STK32B: variants seen among roughly 807,000 people sequenced by gnomAD.
STK32B encodes the protein serine/threonine kinase 32B.
STK32B carries 43 observed loss-of-function variants against 52.6 expected under a neutral mutation model. The ratio of observed to expected loss-of-function variants is 0.82; its 90% CI spans 0.64 to 1.05. The LOEUF (loss-of-function observed/expected upper bound fraction) is 1.05. STK32B is among the 50% of genes least tolerant of loss of function. The probability of loss-of-function intolerance (pLI) is 0.00; values close to 1 mark genes in which losing one functional copy is unlikely to be tolerated. For synonymous variants in STK32B, 238 were observed against 204.3 expected (o/e 1.17, Z -1.41); for missense variants, 621 against 534.6 (o/e 1.16, Z -1.59).
chr4:5,370,263 C>T (rs536597777), intron 4 of STK32B, among the ~76,000 whole-genome samples: 1 of 152,192 alleles, frequency 6.6e-6, no homozygotes, highest in Non-Finnish European at 1.5e-5. Flanking sequence ...TCCTTGCAGA[C>T]ATCTTGTTCG....
chr4:5,082,667 T>A (rs2108776694), intron 1 of STK32B, among the ~76,000 whole-genome samples: 1 of 152,312 alleles, frequency 6.6e-6, no homozygotes, highest in Non-Finnish European at 1.5e-5. Flanking sequence ...AGGTTCTTTG[T>A]GGTTTTTTGT....
At position 5,190,041 on chromosome 4, in the gene STK32B, A is replaced by G. The variant is rs140849913; in HGVS notation, c.260+21591A>G. On this transcript the variant is annotated intron_variant, in intron 3 of 11. Transcript: ENST00000282908. ...AAATCATATGTGGAGAGCGTACATG[A>G]TCAGCTCACTTGGTTACTCACTCAC... 4.8e-4 allele frequency among the ~76,000 whole-genome samples: 73 copies of G among 152,278 alleles called. No individual in the cohort carries two copies. In the East Asian group the frequency reaches 0.012, roughly 24 times the overall value.
At chr4:5,359,036 A>C (rs939838674) in intron 4 of STK32B, among the ~76,000 whole-genome samples, 2 of 152,204 alleles carry the variant, frequency 1.3e-5, no homozygotes, top group African/African-American at 4.8e-5. Flanking sequence ...ATTGATCAGC[A>C]AATGTTCTAC....
chr4:5,129,909 T>C (rs80239540), intron 1 of STK32B, among the ~76,000 whole-genome samples: 17,338 of 152,114 alleles, frequency 0.11, 1,260 homozygotes, highest in Admixed American at 0.24. Flanking sequence ...ATTTATTGAG[T>C]GCCTATTATA....
rs1732127050 is a variant in STK32B, at chr4:5,329,995, G to GTAT, written c.261-1225_261-1224insTAT. On this transcript the variant is annotated intron_variant, in intron 3 of 11. Transcript: ENST00000282908. ...CCCAGGGCTGCACACCCAGGATACTGGAACATAGTGTGGGTGCATTACAGC... is the reference window on the plus strand; with the variant it reads ...CCCAGGGCTGCACACCCAGGATACTGTATGAACATAGTGTGGGTGCATTACAGC... Among the ~76,000 whole-genome samples, 9 of 152,270 alleles carry GTAT rather than the reference G, an allele frequency of 5.9e-5. No individual in the cohort carries two copies. The South Asian group carries it at 1.9e-3, about 32-fold the overall frequency.
At chr4:5,138,996 G>A (rs1716241954) in intron 1 of STK32B, among the ~76,000 whole-genome samples, 1 of 152,152 alleles carries the variant, frequency 6.6e-6, no homozygotes, top group Non-Finnish European at 1.5e-5. Flanking sequence ...GGAAGCAGAG[G>A]ACAAGCAAGA....
chr4:5,164,327 C>T (rs1228172573), intron 2 of STK32B, among the ~76,000 whole-genome samples: 4 of 152,144 alleles, frequency 2.6e-5, no homozygotes, highest in African/African-American at 4.8e-5. Flanking sequence ...CCTCTGCATC[C>T]GTCCTCACAT....
chr4:5,290,089 A>C (rs947555346), intron 3 of STK32B, among the ~76,000 whole-genome samples: 8 of 152,120 alleles, frequency 5.3e-5, no homozygotes, highest in Admixed American at 5.2e-4. Flanking sequence ...TTTAGCTCCC[A>C]CTTACAAGTG....
At chr4:5,062,919 G>C (rs908097434) in intron 1 of STK32B, among the ~76,000 whole-genome samples, 1 of 152,198 alleles carries the variant, frequency 6.6e-6, no homozygotes, top group African/African-American at 2.4e-5. Context: ...TTGCTGCTGT[G>C]AGTAGCTGCC....
chr4:5,050,148 C>CA (rs1435507804), upstream of STK32B, among the ~76,000 whole-genome samples: 1 of 152,186 alleles, frequency 6.6e-6, no homozygotes, highest in African/African-American at 2.4e-5. Flanking sequence ...ACTGGCTACT[C>CA]AGTGTATGCT....
chr4:5,184,271 G>A (rs897464099), intron 3 of STK32B, among the ~76,000 whole-genome samples: 1 of 152,118 alleles, frequency 6.6e-6, no homozygotes, highest in Non-Finnish European at 1.5e-5. Context: ...CAGTATTGTT[G>A]TGTCTCAGGG....
intron 3 of STK32B, among the ~76,000 whole-genome samples, chr4:5,196,799 A>G (rs1721715838): frequency 6.6e-6 from 1 of 152,190 alleles, no homozygotes; most frequent in African/African-American, 2.4e-5. Flanking sequence ...AACAAAAGGA[A>G]GAACACATGT....
chr4:5,151,608 T>G (rs964209633), intron 2 of STK32B, among the ~76,000 whole-genome samples: 2 of 152,226 alleles, frequency 1.3e-5, no homozygotes, highest in Admixed American at 6.5e-5. Flanking sequence ...AGCAATAATT[T>G]ACTCACATTT....
chr4:5,465,867 T>C (rs1717388734), intron 9 of STK32B, among the ~76,000 whole-genome samples: 1 of 152,200 alleles, frequency 6.6e-6, no homozygotes, highest in African/African-American at 2.4e-5. Flanking sequence ...ACTTGCTTCA[T>C]GCCTGGCCCT....
intron 5 of STK32B, among the ~76,000 whole-genome samples, chr4:5,402,760 T>C (rs1737389411): frequency 6.6e-6 from 1 of 152,176 alleles, no homozygotes; most frequent in African/African-American, 2.4e-5. Context: ...AGTGGAAATG[T>C]AAACAATTGA....
At chr4:5,201,270 C>T (rs182010961) in intron 3 of STK32B, among the ~76,000 whole-genome samples, 3 of 152,278 alleles carry the variant, frequency 2.0e-5, no homozygotes, top group Admixed American at 2.0e-4. Context: ...GTCCTGTGTC[C>T]TTGTCCCTTC....
In STK32B at chr4:5,378,494, A is replaced by T. The variant is rs10937639; in HGVS notation, c.435-19713A>T. Among the ~76,000 whole-genome samples, 35,281 of 152,024 alleles carry T rather than the reference A, an allele frequency of 0.23. 4,183 individuals are homozygous for T. Among genetic ancestry groups the T allele is most frequent in the African/African-American group, 0.3 (12,238 of 41,422 alleles). On this transcript the variant is annotated intron_variant, in intron 4 of 11. Coordinates refer to ENST00000282908, the MANE Select transcript of STK32B (RefSeq NM_018401.3). This position sits in a 1 kb window ranked among gnomAD's most constrained non-coding sequence, Gnocchi z 4.4. ...ATTCCTGATACATTTGAACTTGTTT[A>T]TTTCTAATTCCTATGCCCTTTATCT... is the stretch of plus-strand genomic sequence containing the variant.
intron 3 of STK32B, among the ~76,000 whole-genome samples, chr4:5,224,560 C>G (rs933447832): frequency 5.3e-5 from 8 of 152,158 alleles, no homozygotes; most frequent in Non-Finnish European, 8.8e-5. Context: ...CACATATTTG[C>G]TGCTGGTCTT....
At chr4:5,117,915 C>G (rs1157160803) in intron 1 of STK32B, among the ~76,000 whole-genome samples, 1 of 152,176 alleles carries the variant, frequency 6.6e-6, no homozygotes, top group Non-Finnish European at 1.5e-5. Context: ...TATTTGATCA[C>G]AGTGAACAAT....
Sources: gnomAD v4.1 joint callset for allele counts (sites outside exome capture counted in the v4.1 genomes callset) on GRCh38, gnomAD v4.1.1 for gene constraint, Gnocchi (gnomAD v3.1) non-coding constraint, MANE v1.5 for transcripts, NCBI Gene and HGNC (gene_info 2026-07-23, HGNC 2026-07-21) for gene names.